The following LDB2 variants were observed in gnomAD, a reference collection of about 807,000 sequenced individuals.
LDB2 encodes LIM domain binding 2.
LDB2 carries 12 observed loss-of-function variants against 44.3 expected under a neutral mutation model. The observed-to-expected ratio is 0.27, with a 90% CI of 0.17 to 0.44. LDB2 has a LOEUF of 0.44. LDB2 is among the 20% of genes least tolerant of loss of function. The pLI is 1.00. For synonymous variants in LDB2, 164 were observed against 174.8 expected (o/e 0.94, Z 0.49); for missense variants, 344 against 473.5 (o/e 0.73, Z 2.54).
chr4:16,837,940 A>G (rs1253407277), intron 1 of LDB2, among the ~76,000 whole-genome samples: 1 of 152,258 alleles, frequency 6.6e-6, no homozygotes, highest in Non-Finnish European at 1.5e-5. Context: ...TGAATTCTGT[A>G]AAAAGTATAA....
At chr4:16,554,797 G>A (rs953487687) in intron 5 of LDB2, among the ~76,000 whole-genome samples, 1 of 152,224 alleles carries the variant, frequency 6.6e-6, no homozygotes, top group Non-Finnish European at 1.5e-5. Context: ...GAGCACACAA[G>A]ATTTTTAGGG....
At chr4:16,718,538 G>T in intron 2 of LDB2, among the ~76,000 whole-genome samples, 1 of 152,080 alleles carries the variant, frequency 6.6e-6, no homozygotes, top group Non-Finnish European at 1.5e-5. Flanking sequence ...ACCTGTATAT[G>T]TGTAGTCATT....
intron 2 of LDB2, among the ~76,000 whole-genome samples, chr4:16,691,207 T>A (rs971680989): frequency 2.0e-5 from 3 of 152,140 alleles, no homozygotes; most frequent in African/African-American, 7.2e-5. Context: ...GGCTCTAAGG[T>A]CTTTTCTCTT....
At chr4:16,588,410 A>G (rs928645920) in intron 4 of LDB2, among the ~76,000 whole-genome samples, 1 of 152,188 alleles carries the variant, frequency 6.6e-6, no homozygotes, top group South Asian at 2.1e-4. Context: ...AGTACTTGAT[A>G]ATGACTGGAT....
intron 1 of LDB2, among the ~76,000 whole-genome samples, chr4:16,805,532 T>C (rs1007823668): frequency 6.6e-6 from 1 of 152,158 alleles, no homozygotes; most frequent in Non-Finnish European, 1.5e-5. Context: ...AGGCTCATGG[T>C]CCACTTTCTT....
intron 1 of LDB2, among the ~76,000 whole-genome samples, chr4:16,839,553 G>C (rs1376709590): frequency 6.6e-6 from 1 of 152,166 alleles, no homozygotes; most frequent in African/African-American, 2.4e-5. Context: ...CCAGTTTGGT[G>C]GTGATGATCC....
chr4:16,893,119 G>A (rs1723895804), intron 1 of LDB2: 1 of 954,896 alleles, frequency 1.0e-6, no homozygotes, highest in Non-Finnish European at 1.2e-6. Flanking sequence ...AAGAGAGTTT[G>A]GAAGTTCTCA....
intron 2 of LDB2, among the ~76,000 whole-genome samples, chr4:16,709,188 T>C (rs1755323645): frequency 6.6e-6 from 1 of 152,194 alleles, no homozygotes; most frequent in African/African-American, 2.4e-5. Flanking sequence ...TTTAAAAATG[T>C]ATTTAATTAA....
intron 2 of LDB2, among the ~76,000 whole-genome samples, chr4:16,691,496 A>C (rs1034628361): frequency 1.3e-5 from 2 of 152,246 alleles, no homozygotes; most frequent in Non-Finnish European, 2.9e-5. Context: ...GGTAAAGAAC[A>C]GTGTAGACTA....
chr4:16,645,114 G>A (rs926572243), intron 2 of LDB2, among the ~76,000 whole-genome samples: 1 of 152,216 alleles, frequency 6.6e-6, no homozygotes, highest in Admixed American at 6.5e-5. Context: ...GCAAATAAGT[G>A]CATTGATAGC....
At chr4:16,853,113 T>C (rs115722986) in intron 1 of LDB2, among the ~76,000 whole-genome samples, 2,174 of 152,332 alleles carry the variant, frequency 0.014, 57 homozygotes, top group African/African-American at 0.049. Context: ...TCATGTGCTA[T>C]TATGCTACAA....
At chr4:16,576,183 T>G (rs1386465773) in intron 5 of LDB2, among the ~76,000 whole-genome samples, 5 of 152,028 alleles carry the variant, frequency 3.3e-5, no homozygotes, top group Non-Finnish European at 5.9e-5. Flanking sequence ...CTTAAAGTAC[T>G]AGAAAAACGA....
chr4:16,506,191 C>G, intron 7 of LDB2: 1 of 483,090 alleles, frequency 2.1e-6, no homozygotes, highest in Non-Finnish European at 3.6e-6. Context: ...AAGATATGGT[C>G]ACCACAAGTC....
At chr4:16,709,630 A>T (rs1376763924) in intron 2 of LDB2, among the ~76,000 whole-genome samples, 1 of 152,202 alleles carries the variant, frequency 6.6e-6, no homozygotes, top group African/African-American at 2.4e-5. Context: ...GTTTTGTTTG[A>T]TTTGCACATT....
chr4:16,827,236 T>G (rs1783221186), intron 1 of LDB2, among the ~76,000 whole-genome samples: 1 of 152,000 alleles, frequency 6.6e-6, no homozygotes, highest in African/African-American at 2.4e-5. Flanking sequence ...GCAGCTCCAC[T>G]CGGGGCAGCA....
chr4:16,626,009 C>A (rs1343634538), intron 2 of LDB2, among the ~76,000 whole-genome samples: 7 of 152,226 alleles, frequency 4.6e-5, no homozygotes, highest in East Asian at 1.9e-4. Context: ...GACAGGGAAC[C>A]AAAATCCTTA....
chr4:16,535,042 G>C (rs1434799517), intron 5 of LDB2, among the ~76,000 whole-genome samples: 1 of 152,204 alleles, frequency 6.6e-6, no homozygotes, highest in Non-Finnish European at 1.5e-5. Flanking sequence ...TTTTTGACAG[G>C]TTGAAAGAAA....
chr4:16,798,458 G>A (rs2109709849), intron 1 of LDB2, among the ~76,000 whole-genome samples: 1 of 152,284 alleles, frequency 6.6e-6, no homozygotes, highest in East Asian at 1.9e-4. Context: ...CAAGAAATAA[G>A]AGAAAAAATA....
chr4:16,710,506 T>C (rs890848716), intron 2 of LDB2, among the ~76,000 whole-genome samples: 5 of 152,094 alleles, frequency 3.3e-5, no homozygotes, highest in African/African-American at 1.2e-4. Context: ...TCCCGAGGAA[T>C]CTGAAGCTAT....
Sources: gnomAD v4.1 joint callset for allele counts (sites outside exome capture counted in the v4.1 genomes callset) on GRCh38, gnomAD v4.1.1 for gene constraint, MANE v1.5 for transcripts, NCBI Gene and HGNC (gene_info 2026-07-23, HGNC 2026-07-21) for gene names.